MAGI2: variants seen among roughly 807,000 people sequenced by gnomAD.
MAGI2 encodes membrane-associated guanylate kinase, WW and PDZ domain-containing protein 2.
A neutral mutation model predicts 133.3 loss-of-function variants in MAGI2; 35 were observed. That is an observed-to-expected ratio of 0.26 (90% CI 0.20 to 0.35). The LOEUF (loss-of-function observed/expected upper bound fraction) is 0.35. MAGI2 is among the 10% of genes least tolerant of loss of function. The pLI, the probability that MAGI2 is intolerant of heterozygous loss-of-function variation, is 1.00. For synonymous variants in MAGI2, 729 were observed against 710.6 expected (o/e 1.03, Z -0.41); for missense variants, 1,636 against 1,863.4 (o/e 0.88, Z 2.25).
At chr7:78,298,629 G>A (rs1165789080) in intron 9 of MAGI2, among the ~76,000 whole-genome samples, 4 of 151,888 alleles carry the variant, frequency 2.6e-5, no homozygotes, top group East Asian at 3.9e-4. Context: ...TCAGCCTCCC[G>A]AATAGCTGGG....
At chr7:78,583,314 T>C (rs760696958) in intron 3 of MAGI2, 12 of 158,104 alleles carry the variant, frequency 7.6e-5, no homozygotes, top group East Asian at 3.9e-4. Context: ...CTGGCTAACA[T>C]GGTGAAACAC....
At chr7:79,293,339 AAGAGT>A (rs145426671) in intron 1 of MAGI2, among the ~76,000 whole-genome samples, 2,017 of 152,228 alleles carry the variant, frequency 0.013, 41 homozygotes, top group African/African-American at 0.046. Flanking sequence ...TTTAATTTTC[AAGAGT>A]ACTTACAAGT....
intron 1 of MAGI2, among the ~76,000 whole-genome samples, chr7:79,196,863 G>A (rs1206654474): frequency 2.6e-5 from 4 of 151,846 alleles, no homozygotes; most frequent in Admixed American, 6.6e-5. Flanking sequence ...GATCTCCAAG[G>A]CTCAAACAAT....
At chr7:78,251,735 A>G (rs1792404022) in intron 10 of MAGI2, 1 of 152,234 alleles carries the variant, frequency 6.6e-6, no homozygotes, top group African/African-American at 2.4e-5. Flanking sequence ...GTGAAGAGAT[A>G]TACTATCTTT....
In MAGI2 at chr7:79,406,787, T is replaced by G. The variant is rs181052836; in HGVS notation, c.301+46233A>C. The stretch of plus-strand genomic sequence containing the variant: ...TAAAAGGCTGTGAAGAAAACAGAAA[T>G]GAACCTTATTTAGACTTTTTAATAA... On this transcript the variant is annotated intron_variant, in intron 1 of 21. Coordinates refer to ENST00000354212, the MANE Select transcript of MAGI2 (RefSeq NM_012301.4). 1.2e-4 allele frequency among the ~76,000 whole-genome samples: 18 copies of G among 152,194 alleles called. No homozygotes were observed. The East Asian group carries it at 3.1e-3, about 26-fold the overall frequency.
At chr7:78,725,305 TAAAAA>T (rs1554544674) in intron 2 of MAGI2, among the ~76,000 whole-genome samples, 1 of 152,172 alleles carries the variant, frequency 6.6e-6, no homozygotes, top group African/African-American at 2.4e-5. Flanking sequence ...TTCTGAGCAC[TAAAAA>T]AATTTAAAAA....
chr7:78,658,525 C>A (rs78858568), intron 2 of MAGI2, among the ~76,000 whole-genome samples: 1 of 151,820 alleles, frequency 6.6e-6, no homozygotes. Context: ...GTTAAGAGCA[C>A]GAAAAGACAA....
chr7:78,505,350 A>G (rs931986752), intron 4 of MAGI2, among the ~76,000 whole-genome samples: 1 of 152,186 alleles, frequency 6.6e-6, no homozygotes, highest in Admixed American at 6.5e-5. Context: ...CTTAAGAGGG[A>G]AATTATGAAT....
At chr7:78,570,084 A>G (rs2150764938) in intron 3 of MAGI2, among the ~76,000 whole-genome samples, 1 of 152,302 alleles carries the variant, frequency 6.6e-6, no homozygotes, top group East Asian at 1.9e-4. Context: ...ATTAAGACAG[A>G]GTTGCTATAC....
chr7:78,893,709 A>T (rs1189773042), intron 2 of MAGI2, among the ~76,000 whole-genome samples: 1 of 151,830 alleles, frequency 6.6e-6, no homozygotes, highest in Non-Finnish European at 1.5e-5. Flanking sequence ...GAAGGGGAAC[A>T]TCACACCGGG....
At position 78,800,463 on chromosome 7, in the gene MAGI2, A is replaced by T. The variant is rs147720113; in HGVS notation, c.419-173224T>A. Among the ~76,000 whole-genome samples, 467 of 152,200 alleles carry T rather than the reference A, an allele frequency of 3.1e-3. 1 individual carries two copies. The highest frequency in any genetic ancestry group is 0.011 in the African/African-American group (442 of 41,548). On this transcript the variant is annotated intron_variant, in intron 2 of 21. Transcript: ENST00000354212. The stretch of plus-strand genomic sequence containing the variant: ...CTAAAAATGACTATTTCAGCTCACA[A>T]TCAATTATTCAGAACTGACTGCTAT...
chr7:79,212,187 A>G (rs182880714), intron 1 of MAGI2, among the ~76,000 whole-genome samples: 4 of 152,204 alleles, frequency 2.6e-5, no homozygotes, highest in Admixed American at 2.6e-4. Flanking sequence ...ACATCAGAAT[A>G]CAAAGATGTT....
chr7:78,244,167 TAAAAA>T (rs535442682), intron 10 of MAGI2, among the ~76,000 whole-genome samples: 2,758 of 68,774 alleles, frequency 0.04, 62 homozygotes, highest in East Asian at 0.28. Flanking sequence ...CTATTTAAAT[TAAAAA>T]AAAAAAAAAA....
intron 2 of MAGI2, among the ~76,000 whole-genome samples, chr7:78,705,389 T>C (rs902694097): frequency 6.6e-6 from 1 of 152,174 alleles, no homozygotes; most frequent in African/African-American, 2.4e-5. Context: ...CATGTGGAAC[T>C]GTGAGTCAAG....
chr7:79,122,028 C>T (rs191098264), intron 1 of MAGI2, among the ~76,000 whole-genome samples: 2 of 152,246 alleles, frequency 1.3e-5, no homozygotes, highest in Admixed American at 1.3e-4. Flanking sequence ...AAAGAGATCA[C>T]TGTATATAAT....
intron 2 of MAGI2, among the ~76,000 whole-genome samples, chr7:78,696,103 C>G (rs1447753901): frequency 2.0e-5 from 3 of 152,080 alleles, no homozygotes; most frequent in Non-Finnish European, 2.9e-5. Flanking sequence ...GCCTGGATAA[C>G]CTTTTTATTT....
chr7:78,487,043 A>G, intron 6 of MAGI2: 1 of 495,476 alleles, frequency 2.0e-6, no homozygotes, highest in South Asian at 1.5e-5. Flanking sequence ...GGACCAATAC[A>G]CTGAGGCAGG....
At chr7:79,351,446 A>G (rs574246353) in intron 1 of MAGI2, among the ~76,000 whole-genome samples, 1 of 152,304 alleles carries the variant, frequency 6.6e-6, no homozygotes, top group East Asian at 1.9e-4. Flanking sequence ...CTTCAATGAA[A>G]ATAATACTAG....
intron 1 of MAGI2, among the ~76,000 whole-genome samples, chr7:79,171,743 A>AAAAAATAT (rs1554394139): frequency 2.7e-4 from 8 of 29,574 alleles, no homozygotes; most frequent in Admixed American, 9.4e-4. Context: ...AATAGCCAAA[A>AAAAAATAT]ATATATATAT....
Sources: gnomAD v4.1 joint callset for allele counts (sites outside exome capture counted in the v4.1 genomes callset) on GRCh38, gnomAD v4.1.1 for gene constraint, MANE v1.5 for transcripts, NCBI Gene and HGNC (gene_info 2026-07-23, HGNC 2026-07-21) for gene names.